FBXL17: variants seen among roughly 807,000 people sequenced by gnomAD.
The protein encoded by FBXL17 is F-box/LRR-repeat protein 17.
Under a neutral mutation model 66.2 loss-of-function variants are expected in FBXL17, and 22 were observed. That is an observed-to-expected ratio of 0.33 (90% CI 0.24 to 0.47). The LOEUF is 0.47. Among genes scored for constraint, FBXL17 ranks in the 20% least tolerant of loss-of-function variants. The pLI is 1.00. For missense variants in FBXL17, 878 were observed against 948.2 expected (o/e 0.93, Z 0.97); for synonymous variants, 474 against 400.5 (o/e 1.18, Z -2.19).
At position 108,304,688 on chromosome 5, in the gene FBXL17, A is replaced by C. The variant is rs192595481; in HGVS notation, c.1506+43711T>G. On this transcript the variant is annotated intron_variant, in intron 4 of 8. Coordinates refer to ENST00000542267, the MANE Select transcript of FBXL17 (RefSeq NM_001163315.3). ...AAAAAGAGAATCTCTTACAATTATC[A>C]ATACAAGAAAGAAAATGCCTAGGCA... is the stretch of plus-strand genomic sequence containing the variant. Among the ~76,000 whole-genome samples, 6 of 152,128 alleles carry C rather than the reference A, an allele frequency of 3.9e-5. No homozygotes were observed. In the East Asian group the frequency reaches 7.7e-4, roughly 20 times the overall value.
At chr5:108,240,543 A>G (rs1449103446) in intron 4 of FBXL17, among the ~76,000 whole-genome samples, 1 of 152,178 alleles carries the variant, frequency 6.6e-6, no homozygotes, top group African/African-American at 2.4e-5. Flanking sequence ...CCACAGTAGA[A>G]TAGAACACCA....
intron 6 of FBXL17, among the ~76,000 whole-genome samples, chr5:108,038,173 G>C (rs955794708): frequency 4.6e-5 from 7 of 152,024 alleles, no homozygotes; most frequent in Non-Finnish European, 7.4e-5. Context: ...ACCTAACTTG[G>C]ATCCTAATTT....
intron 6 of FBXL17, among the ~76,000 whole-genome samples, chr5:108,152,320 T>C (rs1751803746): frequency 6.6e-6 from 1 of 152,244 alleles, no homozygotes; most frequent in Admixed American, 6.5e-5. Flanking sequence ...TGGTCATTTC[T>C]ACTTAACTGG....
chr5:108,002,785 C>G (rs1470590410), intron 7 of FBXL17, among the ~76,000 whole-genome samples: 2 of 152,088 alleles, frequency 1.3e-5, no homozygotes, highest in East Asian at 1.9e-4. Flanking sequence ...TCTCAAGAAA[C>G]TTACTAAGAG....
chr5:108,380,391 T>G (rs559759428), intron 1 of FBXL17, among the ~76,000 whole-genome samples: 4 of 152,318 alleles, frequency 2.6e-5, no homozygotes, highest in Non-Finnish European at 5.9e-5. Context: ...TTAAAAAATT[T>G]TTTTTTCCAC....
intron 7 of FBXL17, among the ~76,000 whole-genome samples, chr5:107,913,065 TA>T (rs764666250): frequency 5.9e-5 from 9 of 152,100 alleles, no homozygotes; most frequent in Non-Finnish European, 1.3e-4. Context: ...ATATTTTATT[TA>T]TTTTTTTATC....
intron 4 of FBXL17, among the ~76,000 whole-genome samples, chr5:108,303,315 T>C (rs1202401791): frequency 6.6e-6 from 1 of 151,030 alleles, no homozygotes; most frequent in African/African-American, 2.4e-5. Flanking sequence ...TAGTCTCAGT[T>C]CAATTCCCCT....
intron 6 of FBXL17, among the ~76,000 whole-genome samples, chr5:108,184,332 G>A (rs537776926): frequency 6.6e-6 from 1 of 152,088 alleles, no homozygotes; most frequent in East Asian, 1.9e-4. Context: ...TTTGAGACGA[G>A]GTCTTGCTCT....
chr5:108,034,238 T>G (rs1049965530), intron 6 of FBXL17, among the ~76,000 whole-genome samples: 4 of 152,196 alleles, frequency 2.6e-5, no homozygotes, highest in African/African-American at 9.6e-5. Flanking sequence ...TTATCTCTAA[T>G]GAGTTGAACT....
intron 7 of FBXL17, among the ~76,000 whole-genome samples, chr5:107,906,777 A>G (rs1168874839): frequency 6.6e-6 from 1 of 152,236 alleles, no homozygotes; most frequent in Non-Finnish European, 1.5e-5. Context: ...AAAGAGATTT[A>G]AAAGCAACTA....
intron 7 of FBXL17, among the ~76,000 whole-genome samples, chr5:108,013,402 A>G (rs978288004): frequency 6.6e-6 from 1 of 152,170 alleles, no homozygotes; most frequent in African/African-American, 2.4e-5. Context: ...AGAATAACCA[A>G]CGCATACAAA....
At chr5:108,318,067 T>TA (rs928503546) in intron 4 of FBXL17, among the ~76,000 whole-genome samples, 6 of 151,392 alleles carry the variant, frequency 4.0e-5, no homozygotes, top group East Asian at 3.9e-4. Flanking sequence ...CGCTGATAGC[T>TA]AAAAAAAACT....
At chr5:108,348,317 C>G (rs1747408261) in intron 4 of FBXL17, 82 bp downstream of exon 4, 16 of 1,286,940 alleles carry the variant, frequency 1.2e-5, no homozygotes, top group Non-Finnish European at 1.6e-5. Flanking sequence ...AGAAAATAAG[C>G]AGAAAAAATT....
intron 4 of FBXL17, among the ~76,000 whole-genome samples, chr5:108,242,619 T>C (rs908572151): frequency 6.6e-6 from 1 of 152,070 alleles, no homozygotes; most frequent in Non-Finnish European, 1.5e-5. Flanking sequence ...TATAAGAAAT[T>C]TCAAAAACAA....
chr5:108,081,650 G>A (rs897622429), intron 6 of FBXL17, among the ~76,000 whole-genome samples: 3 of 152,134 alleles, frequency 2.0e-5, no homozygotes, highest in African/African-American at 7.2e-5. Flanking sequence ...GTGAACCCGG[G>A]AGGCGGAGCT....
rs1351653044 is a variant in FBXL17 at position 108,082,792 on chromosome 5, G to C, written c.1746-61791C>G. Reference sequence around the variant, plus strand: ...GAATTTATTTCCTCATCTTTGAACAGACTGAACTTTGCTGTGATCATATGT... The same window carrying C: ...GAATTTATTTCCTCATCTTTGAACACACTGAACTTTGCTGTGATCATATGT... On this transcript the variant is annotated intron_variant, in intron 6 of 8. Coordinates refer to ENST00000542267, the MANE Select transcript of FBXL17 (RefSeq NM_001163315.3). 4.6e-5 allele frequency among the ~76,000 whole-genome samples: 7 copies of C among 152,106 alleles called. No homozygotes were observed. The South Asian group carries it at 1.4e-3, about 32-fold the overall frequency.
chr5:108,063,011 G>C (rs983006641), intron 6 of FBXL17, among the ~76,000 whole-genome samples: 8 of 151,808 alleles, frequency 5.3e-5, no homozygotes, highest in Admixed American at 5.2e-4. Context: ...TTTTCTTTTT[G>C]TATTTTTTTC....
chr5:107,927,977 A>G (rs1255433992), intron 7 of FBXL17, among the ~76,000 whole-genome samples: 1 of 152,134 alleles, frequency 6.6e-6, no homozygotes, highest in Non-Finnish European at 1.5e-5. Flanking sequence ...GGCAAATGAT[A>G]TTTAAAAATG....
rs748006457 is a variant in FBXL17 at position 107,870,777 on chromosome 5, G to A, written c.1966-8917C>T. 7.2e-5 allele frequency among the ~76,000 whole-genome samples: 11 copies of A among 151,806 alleles called. 1 individual carries two copies. The South Asian group carries it at 1.3e-3, about 17-fold the overall frequency. The stretch of plus-strand genomic sequence containing the variant: ...CTTTTTTGTATTTTTAGTAGGGATG[G>A]GGTTTCACTGTATTAACCAGGATGG... On this transcript the variant is annotated intron_variant, in intron 8 of 8. Coordinates refer to ENST00000542267, the MANE Select transcript of FBXL17 (RefSeq NM_001163315.3).
Sources: gnomAD v4.1 joint callset for allele counts (sites outside exome capture counted in the v4.1 genomes callset) on GRCh38, gnomAD v4.1.1 for gene constraint, MANE v1.5 for transcripts, NCBI Gene and HGNC (gene_info 2026-07-23, HGNC 2026-07-21) for gene names.